NOL4: variants seen among roughly 807,000 people sequenced by gnomAD.
NOL4 encodes cancer/testis antigen 125.
A neutral mutation model predicts 75.9 loss-of-function variants in NOL4; 17 were observed. The ratio of observed to expected loss-of-function variants is 0.22; its 90% CI spans 0.15 to 0.34. NOL4 has a LOEUF of 0.34. Among genes scored for constraint, NOL4 ranks in the 10% least tolerant of loss-of-function variants. The pLI, the probability that NOL4 is intolerant of heterozygous loss-of-function variation, is 1.00. For missense variants in NOL4, 614 were observed against 793.5 expected (o/e 0.77, Z 2.72); for synonymous variants, 292 against 289.9 (o/e 1.01, Z -0.07).
Position 33,943,180 on chromosome 18 carries a change from T to TAAA in NOL4, c.1429-5_1429-3dup. ...AAGGTGGGAAGGAATAGGTCGAGAC[T>TAAA]AAAAAAAAAAAGAGAAAAGTATGAA... On this transcript the variant is annotated splice_region_variant and splice_polypyrimidine_tract_variant and intron_variant, in intron 8 of 10. Coordinates refer to ENST00000261592, the MANE Select transcript of NOL4 (RefSeq NM_003787.5). 3 of 1,283,630 alleles carry TAAA rather than the reference T, an allele frequency of 2.3e-6. No individual in the cohort carries two copies. Among genetic ancestry groups the TAAA allele is most frequent in the Non-Finnish European group, 2.1e-6 (2 of 941,308 alleles). The allele number at this position is 1,283,630 out of a possible 1,614,324, so 79.5% of individuals were successfully genotyped here.
chr18:33,930,224 T>C (rs2145401237), intron 9 of NOL4, among the ~76,000 whole-genome samples: 1 of 152,276 alleles, frequency 6.6e-6, no homozygotes, highest in Admixed American at 6.5e-5. Flanking sequence ...TGTGTTTCCT[T>C]CATTTTTATG....
At chr18:34,181,510 G>C (rs1600814085) in intron 1 of NOL4, among the ~76,000 whole-genome samples, 1 of 151,586 alleles carries the variant, frequency 6.6e-6, no homozygotes, top group East Asian at 1.9e-4. Context: ...CTTGCTTTAA[G>C]TAACAGTTTT....
At chr18:34,114,879 A>C (rs1353544705) in intron 2 of NOL4, among the ~76,000 whole-genome samples, 1 of 152,200 alleles carries the variant, frequency 6.6e-6, no homozygotes, top group Non-Finnish European at 1.5e-5. Context: ...GACAAAAAAA[A>C]AAAATTTCAA....
chr18:34,016,480 T>C (rs546029496), intron 6 of NOL4, among the ~76,000 whole-genome samples: 44 of 152,220 alleles, frequency 2.9e-4, no homozygotes, highest in African/African-American at 1.0e-3. Flanking sequence ...AGCCGCTTTA[T>C]ACTTCATCCC....
chr18:34,017,690 A>G (rs1016102230), intron 6 of NOL4, among the ~76,000 whole-genome samples: 2 of 152,086 alleles, frequency 1.3e-5, no homozygotes, highest in African/African-American at 4.8e-5. Flanking sequence ...TCTTCATCTT[A>G]TTTGATTTCT....
At chr18:34,091,818 A>G (rs2145529282) in intron 5 of NOL4, among the ~76,000 whole-genome samples, 2 of 152,330 alleles carry the variant, frequency 1.3e-5, no homozygotes, top group Non-Finnish European at 2.9e-5. Context: ...ATGTAAGGCA[A>G]GGAAGGGTTA....
At chr18:34,192,789 G>A (rs972313388) in intron 1 of NOL4, among the ~76,000 whole-genome samples, 1 of 152,176 alleles carries the variant, frequency 6.6e-6, no homozygotes, top group South Asian at 2.1e-4. Flanking sequence ...AGGTAACCAG[G>A]TCATGAGGGC....
chr18:34,043,639 T>G (rs2076236027), intron 5 of NOL4, among the ~76,000 whole-genome samples: 1 of 152,054 alleles, frequency 6.6e-6, no homozygotes, highest in South Asian at 2.1e-4. Flanking sequence ...AGCATCAGTT[T>G]CCTCACTCAT....
chr18:34,036,350 A>G (rs2075895978), intron 5 of NOL4, among the ~76,000 whole-genome samples: 1 of 86,066 alleles, frequency 1.2e-5, no homozygotes, highest in African/African-American at 4.1e-5. Context: ...AATGCATCAT[A>G]TCAATAAAAT....
chr18:33,867,119 A>G lies in NOL4; in HGVS notation c.1724-14084T>C, dbSNP rs550431922. On this transcript the variant is annotated intron_variant, in intron 10 of 10. Coordinates refer to ENST00000261592, the MANE Select transcript of NOL4 (RefSeq NM_003787.5). ...AGGAAAATAGTACTATTTATAGTTT[A>G]CTTGTAAATACCGTAGGGGGTTAAT... Among the ~76,000 whole-genome samples the G allele has an allele frequency of 1.5e-4, 23 of 152,286 alleles. No individual in the cohort carries two copies. The South Asian group carries it at 4.6e-3, about 30-fold the overall frequency.
At chr18:33,867,429 T>G (rs945485875) in intron 10 of NOL4, among the ~76,000 whole-genome samples, 2 of 152,082 alleles carry the variant, frequency 1.3e-5, no homozygotes, top group African/African-American at 4.8e-5. Flanking sequence ...TAAACACAAA[T>G]GTACAGATAA....
intron 9 of NOL4, among the ~76,000 whole-genome samples, chr18:33,938,301 A>G (rs2068203844): frequency 6.6e-6 from 1 of 152,046 alleles, no homozygotes. Flanking sequence ...GTAAATCTTA[A>G]AAGAGTTTAA....
intron 6 of NOL4, among the ~76,000 whole-genome samples, chr18:34,017,193 T>G (rs2074746318): frequency 2.0e-5 from 3 of 152,150 alleles, no homozygotes. Flanking sequence ...ACTCTTACTG[T>G]TTTAATACGA....
At position 34,166,848 on chromosome 18, in the gene NOL4, T is replaced by C. The variant is rs2032412912; in HGVS notation, c.265-36828A>G. Among the ~76,000 whole-genome samples, 2 of 45,150 alleles carry C rather than the reference T, an allele frequency of 4.4e-5. 1 individual carries two copies. The highest frequency in any genetic ancestry group is 5.6e-4 in the Admixed American group (2 of 3,542). 29.6% of individuals were successfully genotyped at this position (45,150 alleles called of 152,430 possible). Reference sequence around the variant, plus strand: ...GTCAGGAGATCGAGACCATCCTGGCTAACAAGGTGAAACCCCGTCTCTACT... The same window carrying C: ...GTCAGGAGATCGAGACCATCCTGGCCAACAAGGTGAAACCCCGTCTCTACT... On this transcript the variant is annotated intron_variant, in intron 1 of 10. Coordinates refer to ENST00000261592, the MANE Select transcript of NOL4 (RefSeq NM_003787.5).
chr18:34,079,291 A>G (rs769971988), intron 5 of NOL4, among the ~76,000 whole-genome samples: 1 of 152,096 alleles, frequency 6.6e-6, no homozygotes, highest in Non-Finnish European at 1.5e-5. Flanking sequence ...TCTGCTGATG[A>G]TGACCATGAA....
chr18:34,014,368 G>A (rs142520600), intron 6 of NOL4, among the ~76,000 whole-genome samples: 1 of 151,916 alleles, frequency 6.6e-6, no homozygotes, highest in Non-Finnish European at 1.5e-5. Context: ...CGTGCCCACC[G>A]CAGTCCTTAT....
intron 5 of NOL4, among the ~76,000 whole-genome samples, chr18:34,062,970 T>G (rs915710828): frequency 6.6e-6 from 1 of 152,160 alleles, no homozygotes; most frequent in Non-Finnish European, 1.5e-5. Context: ...CTTTATATCA[T>G]AGAATTACGG....
chr18:34,170,176 C>CTT (rs1188170272), intron 1 of NOL4, among the ~76,000 whole-genome samples: 4 of 141,734 alleles, frequency 2.8e-5, no homozygotes, highest in African/African-American at 5.2e-5. Context: ...TGTTTAAGAA[C>CTT]TATTTTTTTT....
At chr18:34,192,785 C>A in intron 1 of NOL4, among the ~76,000 whole-genome samples, 1 of 152,104 alleles carries the variant, frequency 6.6e-6, no homozygotes, top group East Asian at 1.9e-4. Context: ...TCAGAGGTAA[C>A]CAGGTCATGA....
Sources: gnomAD v4.1 joint callset for allele counts (sites outside exome capture counted in the v4.1 genomes callset) on GRCh38, gnomAD v4.1.1 for gene constraint, MANE v1.5 for transcripts, NCBI Gene and HGNC (gene_info 2026-07-23, HGNC 2026-07-21) for gene names.